The following EYS variants were observed in gnomAD, a reference collection of about 807,000 sequenced individuals.
EYS encodes EGF-like photoreceptor maintenance factor.
EYS carries 250 observed loss-of-function variants against 282.1 expected under a neutral mutation model. The ratio of observed to expected loss-of-function variants is 0.89; its 90% CI spans 0.80 to 0.98. EYS has a LOEUF of 0.98. Among genes scored for constraint, EYS ranks in the 50% least tolerant of loss-of-function variants. The pLI is 0.00. For synonymous variants in EYS, 1,355 were observed against 1,282.9 expected (o/e 1.06, Z -1.20); for missense variants, 4,016 against 3,709.0 (o/e 1.08, Z -2.15).
intron 2 of EYS, among the ~76,000 whole-genome samples, chr6:65,502,358 T>A (rs1032921487): frequency 6.6e-6 from 1 of 151,672 alleles, no homozygotes; most frequent in African/African-American, 2.4e-5. Flanking sequence ...TGCACATGGA[T>A]CTTTATTATA....
intron 7 of EYS, among the ~76,000 whole-genome samples, chr6:65,388,662 C>T (rs1485111048): frequency 6.6e-6 from 1 of 151,950 alleles, no homozygotes. Context: ...GAGAGATAGG[C>T]AGGAGGAAAA....
At chr6:65,031,838 A>T (rs1772614382) in intron 13 of EYS, among the ~76,000 whole-genome samples, 1 of 147,720 alleles carries the variant, frequency 6.8e-6, no homozygotes, top group Non-Finnish European at 1.5e-5. Flanking sequence ...AAAAAGAACA[A>T]ACAAACCTGA....
At chr6:64,027,169 G>C (rs537569698) in intron 33 of EYS, among the ~76,000 whole-genome samples, 342 of 152,232 alleles carry the variant, frequency 2.2e-3, no homozygotes, top group African/African-American at 7.8e-3. Context: ...CTGGGACCTT[G>C]ACTCAGATCA....
In EYS at chr6:64,021,974, T is replaced by C. The variant is rs534196172; in HGVS notation, c.6726-22791A>G. On this transcript the variant is annotated intron_variant, in intron 33 of 42. Coordinates refer to ENST00000503581, the MANE Select transcript of EYS (RefSeq NM_001142800.2). The stretch of plus-strand genomic sequence containing the variant: ...CTTTTTAAGATAGCAAAGTATTTCA[T>C]TGTAGGTTGTATGCAAGTTTTCTAT... Among the ~76,000 whole-genome samples, 6 of 152,360 alleles carry C rather than the reference T, an allele frequency of 3.9e-5. No individual in the cohort carries two copies. In the South Asian group the frequency reaches 1.2e-3, roughly 32 times the overall value.
At chr6:65,225,967 A>G (rs1766614354) in intron 12 of EYS, among the ~76,000 whole-genome samples, 1 of 152,070 alleles carries the variant, frequency 6.6e-6, no homozygotes, top group East Asian at 1.9e-4. Context: ...TTTACCTTTA[A>G]TATCAGGAAC....
intron 8 of EYS, among the ~76,000 whole-genome samples, chr6:65,358,901 C>T (rs1361998364): frequency 6.6e-6 from 1 of 151,798 alleles, no homozygotes; most frequent in African/African-American, 2.4e-5. Context: ...ACAGCCCACT[C>T]GATGTATAAA....
rs189608322 is a variant in EYS at position 65,505,548 on chromosome 6, C to G, written c.-332-9555G>C. Among the ~76,000 whole-genome samples the G allele has an allele frequency of 4.6e-4, 70 of 152,124 alleles. No homozygotes were observed. In the South Asian group the frequency reaches 0.013, roughly 29 times the overall value. ...TGCATTTAATGTTATACGTTTGTCT[C>G]TGTGCACTGCTTTTTCTGGATCTCA... On this transcript the variant is annotated intron_variant, in intron 2 of 42. Transcript: ENST00000503581.
intron 2 of EYS, among the ~76,000 whole-genome samples, chr6:65,532,628 G>A (rs997940380): frequency 7.2e-5 from 11 of 151,982 alleles, no homozygotes; most frequent in Admixed American, 3.9e-4. Context: ...AAGCAGCCTC[G>A]ATTTCACACC....
chr6:65,434,809 T>A (rs1252403214), intron 5 of EYS, among the ~76,000 whole-genome samples: 1 of 152,148 alleles, frequency 6.6e-6, no homozygotes, highest in Non-Finnish European at 1.5e-5. Flanking sequence ...AATGTATTAA[T>A]ATTTTAAGGC....
intron 14 of EYS, among the ~76,000 whole-genome samples, chr6:64,960,081 G>A (rs887615660): frequency 2.0e-5 from 3 of 151,668 alleles, no homozygotes; most frequent in African/African-American, 7.3e-5. Context: ...TAAAATCAAT[G>A]GTAATTTTCA....
intron 2 of EYS, among the ~76,000 whole-genome samples, chr6:65,633,117 G>A (rs989837841): frequency 6.6e-6 from 1 of 152,088 alleles, no homozygotes; most frequent in African/African-American, 2.4e-5. Flanking sequence ...CGTAATCATT[G>A]CATTGTTAGG....
intron 12 of EYS, among the ~76,000 whole-genome samples, chr6:65,120,161 A>AAAC (rs1775494006): frequency 1.4e-5 from 2 of 146,796 alleles, no homozygotes; most frequent in African/African-American, 5.3e-5. Context: ...CAAAAAAAAA[A>AAAC]AAAAACAAAA....
chr6:64,943,873 GAAAGAGATTGAATAACT>G (rs1313402287), intron 15 of EYS, among the ~76,000 whole-genome samples: 2 of 152,008 alleles, frequency 1.3e-5, no homozygotes, highest in African/African-American at 4.8e-5. Flanking sequence ...GTAGAGTGAA[GAAAGAGATTGAATAACT>G]AAAGCAATCT....
chr6:65,539,474 G>A (rs371577576), intron 2 of EYS, among the ~76,000 whole-genome samples: 1 of 152,108 alleles, frequency 6.6e-6, no homozygotes, highest in Admixed American at 6.6e-5. Context: ...CATTGAGAAT[G>A]ATTAGAATTA....
chr6:64,101,396 C>T (rs1257857621), intron 31 of EYS, among the ~76,000 whole-genome samples: 6 of 151,992 alleles, frequency 3.9e-5, no homozygotes, highest in African/African-American at 1.4e-4. Flanking sequence ...ATCAAAAAGC[C>T]TAATAACTTA....
chr6:63,970,088 A>G (rs1399755196), intron 35 of EYS, among the ~76,000 whole-genome samples: 1 of 152,162 alleles, frequency 6.6e-6, no homozygotes, highest in Non-Finnish European at 1.5e-5. Flanking sequence ...GTAGCTGAGA[A>G]CTTTCCCTGG....
At chr6:65,616,153 T>C (rs899636772) in intron 2 of EYS, among the ~76,000 whole-genome samples, 1 of 152,132 alleles carries the variant, frequency 6.6e-6, no homozygotes, top group African/African-American at 2.4e-5. Flanking sequence ...GATATCCAAT[T>C]TTTAAAGCCA....
At chr6:64,909,291 T>G (rs1328036682) in intron 16 of EYS, among the ~76,000 whole-genome samples, 1 of 152,120 alleles carries the variant, frequency 6.6e-6, no homozygotes, top group African/African-American at 2.4e-5. Context: ...GAGTACAGTT[T>G]ATAGAGGCAA....
intron 35 of EYS, among the ~76,000 whole-genome samples, chr6:63,974,818 T>G (rs1274144352): frequency 6.6e-6 from 1 of 152,034 alleles, no homozygotes; most frequent in Admixed American, 6.6e-5. Flanking sequence ...GATCTATCAA[T>G]AAATGCTTTC....
Sources: gnomAD v4.1 joint callset for allele counts (sites outside exome capture counted in the v4.1 genomes callset) on GRCh38, gnomAD v4.1.1 for gene constraint, MANE v1.5 for transcripts, NCBI Gene and HGNC (gene_info 2026-07-23, HGNC 2026-07-21) for gene names.